Variants in CNTNAP5 observed in about 807,000 individuals in gnomAD.
CNTNAP5 encodes the protein contactin associated protein family member 5, also known as contactin-associated protein-like 5.
CNTNAP5 carries 72 observed loss-of-function variants against 150.2 expected under a neutral mutation model. That is an observed-to-expected ratio of 0.48 (90% CI 0.40 to 0.58). The LOEUF (loss-of-function observed/expected upper bound fraction) is 0.58, where lower values mean the gene tolerates loss of function less well. Among genes scored for constraint, CNTNAP5 ranks in the 20% least tolerant of loss-of-function variants. CNTNAP5 has a pLI of 0.00. For missense variants in CNTNAP5, 1,636 were observed against 1,626.2 expected (o/e 1.01, Z -0.10); for synonymous variants, 672 against 619.8 (o/e 1.08, Z -1.25).
chr2:124,152,350 T>A (rs953085261), intron 1 of CNTNAP5, among the ~76,000 whole-genome samples: 2 of 152,196 alleles, frequency 1.3e-5, no homozygotes, highest in Admixed American at 6.5e-5. Flanking sequence ...ATTTCTTATA[T>A]GGTAGATTGT....
At chr2:124,509,007 T>C (rs1694489248) in intron 8 of CNTNAP5, among the ~76,000 whole-genome samples, 1 of 152,228 alleles carries the variant, frequency 6.6e-6, no homozygotes, top group African/African-American at 2.4e-5. Flanking sequence ...AACGGGGCTA[T>C]ACTTGATGCT....
At chr2:124,645,846 G>A (rs1490709098) in intron 12 of CNTNAP5, among the ~76,000 whole-genome samples, 2 of 152,158 alleles carry the variant, frequency 1.3e-5, no homozygotes, top group African/African-American at 4.8e-5. Context: ...GTCTCAGGGA[G>A]CTTAGAATCA....
chr2:124,699,148 T>G (rs1306798060), intron 13 of CNTNAP5, among the ~76,000 whole-genome samples: 1 of 152,174 alleles, frequency 6.6e-6, no homozygotes, highest in Non-Finnish European at 1.5e-5. Flanking sequence ...AGGAAGTTGA[T>G]TTAAGCAGCT....
At chr2:124,293,689 A>T (rs1050561712) in intron 3 of CNTNAP5, among the ~76,000 whole-genome samples, 6 of 152,208 alleles carry the variant, frequency 3.9e-5, no homozygotes, top group Admixed American at 6.5e-5. Flanking sequence ...AAAGGAAAAG[A>T]AAGAAAAGAT....
intron 10 of CNTNAP5, among the ~76,000 whole-genome samples, chr2:124,554,422 C>CT (rs5834078): frequency 0.4 from 55,010 of 137,006 alleles, 11,330 homozygotes; most frequent in East Asian, 0.62. Flanking sequence ...ATACTTTTTT[C>CT]TTTTTTTTTT....
intron 20 of CNTNAP5, among the ~76,000 whole-genome samples, chr2:124,867,830 C>A (rs1677663886): frequency 6.6e-6 from 1 of 152,202 alleles, no homozygotes; most frequent in Non-Finnish European, 1.5e-5. Flanking sequence ...CTTATACCAA[C>A]TACCTACTGG....
chr2:124,692,676 TC>T (rs934126307), intron 13 of CNTNAP5, among the ~76,000 whole-genome samples: 6 of 152,212 alleles, frequency 3.9e-5, no homozygotes, highest in South Asian at 2.1e-4. Flanking sequence ...AGATTTTTTC[TC>T]CCCCTTTCTT....
chr2:124,707,060 GAGAGGA>G (rs1334649354), intron 13 of CNTNAP5, among the ~76,000 whole-genome samples: 1 of 94,314 alleles, frequency 1.1e-5, no homozygotes, highest in Admixed American at 9.9e-5. Context: ...GGAGGAGGAG[GAGAGGA>G]AGAGGAAGAA....
At chr2:124,757,718 A>G (rs1196223966) in intron 14 of CNTNAP5, among the ~76,000 whole-genome samples, 5 of 152,172 alleles carry the variant, frequency 3.3e-5, no homozygotes, top group Non-Finnish European at 7.3e-5. Context: ...CTCTACTTCA[A>G]TGCTCCCATG....
intron 13 of CNTNAP5, among the ~76,000 whole-genome samples, chr2:124,726,047 C>A (rs1680151736): frequency 6.6e-6 from 1 of 151,782 alleles, no homozygotes; most frequent in Non-Finnish European, 1.5e-5. Flanking sequence ...AACCTCCATA[C>A]TGTTTTCTGT....
chr2:124,722,708 A>C (rs1010375156), intron 13 of CNTNAP5, among the ~76,000 whole-genome samples: 2 of 152,164 alleles, frequency 1.3e-5, no homozygotes, highest in Non-Finnish European at 2.9e-5. Flanking sequence ...CCTCAACCTC[A>C]GAAAATGAAT....
intron 14 of CNTNAP5, among the ~76,000 whole-genome samples, chr2:124,760,811 T>C (rs1558765093): frequency 6.6e-6 from 1 of 152,168 alleles, no homozygotes; most frequent in Non-Finnish European, 1.5e-5. Context: ...ATTGAGTTTC[T>C]ACTATGTACA....
chr2:124,358,145 A>G (rs969601561), intron 3 of CNTNAP5, among the ~76,000 whole-genome samples: 1 of 152,172 alleles, frequency 6.6e-6, no homozygotes, highest in African/African-American at 2.4e-5. Context: ...ATTTTTGTAC[A>G]TTGATTTTGT....
At chr2:124,823,485 A>G (rs1682531992) in intron 19 of CNTNAP5, among the ~76,000 whole-genome samples, 1 of 152,196 alleles carries the variant, frequency 6.6e-6, no homozygotes, top group South Asian at 2.1e-4. Context: ...GTAACAGACT[A>G]AGGTTGACAA....
At chr2:124,093,594 A>C (rs966183325) in intron 1 of CNTNAP5, among the ~76,000 whole-genome samples, 1 of 152,182 alleles carries the variant, frequency 6.6e-6, no homozygotes, top group Non-Finnish European at 1.5e-5. Context: ...ATGGGCACCC[A>C]TAGTCATATT....
intron 20 of CNTNAP5, among the ~76,000 whole-genome samples, chr2:124,868,519 G>A (rs777652036): frequency 2.7e-4 from 41 of 152,088 alleles, no homozygotes; most frequent in South Asian, 8.3e-4. Flanking sequence ...GGCCATCTCT[G>A]ATCAGCTTAT....
chr2:124,269,792 A>G (rs1381499115), intron 3 of CNTNAP5, among the ~76,000 whole-genome samples: 2 of 152,194 alleles, frequency 1.3e-5, no homozygotes, highest in Non-Finnish European at 2.9e-5. Flanking sequence ...TGTATGTTTT[A>G]AAAAAGAAGT....
At chr2:124,652,805 G>A (rs1558720932) in intron 13 of CNTNAP5, among the ~76,000 whole-genome samples, 1 of 152,098 alleles carries the variant, frequency 6.6e-6, no homozygotes, top group Non-Finnish European at 1.5e-5. Flanking sequence ...TCCGGTGTAG[G>A]CATCCTCTTG....
intron 4 of CNTNAP5, among the ~76,000 whole-genome samples, chr2:124,424,286 A>G (rs1362825630): frequency 1.3e-5 from 2 of 152,174 alleles, no homozygotes; most frequent in East Asian, 3.9e-4. Flanking sequence ...CTCACCTCTG[A>G]CATGCTAAGG....
Sources: gnomAD v4.1 joint callset for allele counts (sites outside exome capture counted in the v4.1 genomes callset) on GRCh38, gnomAD v4.1.1 for gene constraint, MANE v1.5 for transcripts, NCBI Gene and HGNC (gene_info 2026-07-23, HGNC 2026-07-21) for gene names.